Variants in OLAH observed in about 807,000 individuals in gnomAD.
The protein encoded by OLAH is S-acyl fatty acid synthase thioesterase, medium chain.
OLAH carries 33 observed loss-of-function variants against 27.8 expected under a neutral mutation model. The observed-to-expected ratio is 1.19, with a 90% CI of 0.90 to 1.59. The LOEUF (loss-of-function observed/expected upper bound fraction) is 1.59. Among genes scored for constraint, OLAH ranks in the 40% most tolerant of loss-of-function variants. OLAH has a pLI of 0.00. For missense variants in OLAH, 359 were observed against 310.8 expected, an observed-to-expected ratio of 1.16 and a Z score of -1.17; for synonymous variants, 120 against 102.9, an observed-to-expected ratio of 1.17 and a Z score of -1.01.
intron 1 of OLAH, among the ~76,000 whole-genome samples, chr10:15,045,054 A>G (rs772302637): frequency 1.4e-4 from 21 of 152,300 alleles, no homozygotes; most frequent in Non-Finnish European, 2.6e-4. Context: ...AAATGAAAGC[A>G]TCTAGAGGTT....
At chr10:15,056,856 C>A in intron 3 of OLAH, 1 of 1,518,102 alleles carries the variant, frequency 6.6e-7, no homozygotes, top group Admixed American at 2.1e-5. Context: ...CAAGGCTGGT[C>A]TCAAACTCCG....
At chr10:15,039,869 T>C (rs1485593918), upstream of OLAH, among the ~76,000 whole-genome samples, 1 of 152,206 alleles carries the variant, frequency 6.6e-6, no homozygotes, top group Non-Finnish European at 1.5e-5. Context: ...GATCCTCATC[T>C]TATGAGGAAT....
At chr10:15,069,118 G>A (rs1400996818) in intron 6 of OLAH, among the ~76,000 whole-genome samples, 1 of 152,168 alleles carries the variant, frequency 6.6e-6, no homozygotes, top group African/African-American at 2.4e-5. Flanking sequence ...CATCTAGATA[G>A]TCTGAAGCAT....
In OLAH at chr10:15,073,359, T is replaced by C. The variant is rs1844630808; in HGVS notation, c.*130T>C. 2.4e-5 allele frequency: 16 copies of C among 654,862 alleles called. No individual in the cohort carries two copies. In the South Asian group the frequency reaches 2.7e-4, roughly 11 times the overall value. The allele number at this position is 654,862 out of a possible 1,614,324, so 40.6% of individuals were successfully genotyped here. A position where few individuals can be genotyped will look rare whatever the true frequency, so the allele number is the denominator to read the frequency against. Reference sequence around the variant, plus strand: ...CTGTCAGGGAGATTCGTTACATAAATATATTTACGTATCTGGGGACAAAGG... The same window carrying C: ...CTGTCAGGGAGATTCGTTACATAAACATATTTACGTATCTGGGGACAAAGG... On this transcript the variant is annotated 3_prime_UTR_variant, in exon 8 of 8. Coordinates refer to ENST00000378228, the MANE Select transcript of OLAH (RefSeq NM_001039702.3).
intron 6 of OLAH, among the ~76,000 whole-genome samples, chr10:15,071,034 T>G (rs2131381889): frequency 6.6e-6 from 1 of 152,280 alleles, no homozygotes; most frequent in African/African-American, 2.4e-5. Flanking sequence ...TCCTCCTGCC[T>G]TGGCCTCCCA....
intron 5 of OLAH, among the ~76,000 whole-genome samples, chr10:15,065,073 C>T (rs1844441693): frequency 6.6e-6 from 1 of 152,236 alleles, no homozygotes; most frequent in Non-Finnish European, 1.5e-5. Context: ...AAATGCACTT[C>T]AGCTGTTTCC....
At chr10:15,059,900 A>G in intron 3 of OLAH, among the ~76,000 whole-genome samples, 1 of 152,158 alleles carries the variant, frequency 6.6e-6, no homozygotes, top group East Asian at 1.9e-4. Flanking sequence ...CTTTTTATCA[A>G]GTGTTTTTAG....
At chr10:15,038,950 C>G (rs1174157728), upstream of OLAH, among the ~76,000 whole-genome samples, 5 of 152,110 alleles carry the variant, frequency 3.3e-5, no homozygotes, top group African/African-American at 7.2e-5. Flanking sequence ...AGGCTGGGTG[C>G]AGTGGTTCAC....
At chr10:15,061,458 C>T (rs1452488604) in intron 3 of OLAH, among the ~76,000 whole-genome samples, 1 of 151,880 alleles carries the variant, frequency 6.6e-6, no homozygotes, top group Non-Finnish European at 1.5e-5. Flanking sequence ...ACATGATCAT[C>T]AATGGAATTT....
intron 3 of OLAH, among the ~76,000 whole-genome samples, chr10:15,054,650 T>A (rs11511685): frequency 0.12 from 17,967 of 152,038 alleles, 1,327 homozygotes; most frequent in East Asian, 0.3. Context: ...GACTACTACT[T>A]TGTTTTGTAA....
At chr10:15,057,185 T>G (rs1844262296) in intron 3 of OLAH, among the ~76,000 whole-genome samples, 1 of 152,272 alleles carries the variant, frequency 6.6e-6, no homozygotes, top group South Asian at 2.1e-4. Flanking sequence ...TATTTGCCTA[T>G]TTTTCTTCTA....
intron 1 of OLAH, among the ~76,000 whole-genome samples, chr10:15,036,967 T>C (rs1843849771): frequency 6.6e-6 from 1 of 151,690 alleles, no homozygotes; most frequent in South Asian, 2.1e-4. Flanking sequence ...TAATCCCAGA[T>C]ACTCCGGAGG....
chr10:15,056,812 A>AT (rs914279711), intron 3 of OLAH: 30 of 1,454,868 alleles, frequency 2.1e-5, no homozygotes, highest in African/African-American at 1.9e-4. Context: ...ATTTTATTTT[A>AT]TTTTTTTGTA....
At chr10:15,045,641 A>G (rs959831066) in intron 1 of OLAH, among the ~76,000 whole-genome samples, 1 of 152,112 alleles carries the variant, frequency 6.6e-6, no homozygotes, top group Non-Finnish European at 1.5e-5. Context: ...AATGCCCTCC[A>G]CTGCATGACA....
intron 3 of OLAH, among the ~76,000 whole-genome samples, chr10:15,052,833 C>T (rs1360512781): frequency 6.8e-6 from 1 of 147,296 alleles, no homozygotes; most frequent in East Asian, 2.1e-4. Flanking sequence ...GCCTCTGCCT[C>T]CCGGGTTCAA....
intron 3 of OLAH, among the ~76,000 whole-genome samples, chr10:15,050,539 A>ATTT (rs764081489): frequency 1.9e-4 from 21 of 109,032 alleles, no homozygotes; most frequent in East Asian, 2.7e-4. Context: ...AAGTGCTAGG[A>ATTT]TTTTTTTTTT....
intron 7 of OLAH, among the ~76,000 whole-genome samples, chr10:15,072,092 C>A (rs60435511): frequency 0.095 from 14,521 of 152,104 alleles, 869 homozygotes; most frequent in Admixed American, 0.15. Flanking sequence ...GGCCACCATA[C>A]CCGGCTATTT....
upstream of OLAH, among the ~76,000 whole-genome samples, chr10:15,041,274 AT>A (rs199575174): frequency 0.26 from 35,611 of 136,610 alleles, 4,483 homozygotes; most frequent in East Asian, 0.39. Context: ...TTTTATTTTT[AT>A]TTTTATTTTT....
intron 4 of OLAH, among the ~76,000 whole-genome samples, chr10:15,063,615 C>T (rs1367102126): frequency 6.6e-6 from 1 of 152,088 alleles, no homozygotes; most frequent in African/African-American, 2.4e-5. Context: ...ATCCCAGTAC[C>T]CCTTTATACT....
Sources: gnomAD v4.1 joint callset for allele counts (sites outside exome capture counted in the v4.1 genomes callset) on GRCh38, gnomAD v4.1.1 for gene constraint, MANE v1.5 for transcripts, NCBI Gene and HGNC (gene_info 2026-07-23, HGNC 2026-07-21) for gene names.